The following MGAT5 variants were observed in gnomAD, a reference collection of about 807,000 sequenced individuals.
The protein encoded by MGAT5 is alpha-1,6-mannosylglycoprotein 6-beta-N-acetylglucosaminyltransferase, also known as alpha-1,6-mannosylglycoprotein 6-beta-N-acetylglucosaminyltransferase A.
Under a neutral mutation model 94.3 loss-of-function variants are expected in MGAT5, and 30 were observed. The observed-to-expected ratio is 0.32, with a 90% CI of 0.24 to 0.43. The LOEUF is 0.43. MGAT5 is among the 20% of genes least tolerant of loss of function. The probability of loss-of-function intolerance (pLI) is 1.00; values close to 1 mark genes in which losing one functional copy is unlikely to be tolerated. For missense variants in MGAT5, 691 were observed against 905.5 expected (o/e 0.76, Z 3.04); for synonymous variants, 310 against 322.9 (o/e 0.96, Z 0.43).
At chr2:134,250,375 G>GGT (rs1682523952), upstream of MGAT5, among the ~76,000 whole-genome samples, 2 of 152,166 alleles carry the variant, frequency 1.3e-5, no homozygotes, top group African/African-American at 4.8e-5. Flanking sequence ...AAGGTCTGGA[G>GGT]GTAGGCATCT....
At chr2:134,322,328 C>T (rs1005276534) in intron 4 of MGAT5, among the ~76,000 whole-genome samples, 2 of 152,118 alleles carry the variant, frequency 1.3e-5, no homozygotes, top group Admixed American at 1.3e-4. Context: ...CCTTTGACTT[C>T]TGGTAATATA....
At chr2:134,314,081 T>C (rs1364323863) in intron 2 of MGAT5, among the ~76,000 whole-genome samples, 1 of 152,186 alleles carries the variant, frequency 6.6e-6, no homozygotes, top group Non-Finnish European at 1.5e-5. Flanking sequence ...AAAGTCCTTA[T>C]GAGCTATGGT....
At chr2:134,432,043 C>A (rs947496447) in intron 14 of MGAT5, among the ~76,000 whole-genome samples, 2 of 152,224 alleles carry the variant, frequency 1.3e-5, no homozygotes, top group Admixed American at 6.5e-5. Context: ...GCAGGGAGAA[C>A]TTCTTTGTAA....
At chr2:134,163,858 G>A (rs1296003491) in intron 1 of MGAT5, among the ~76,000 whole-genome samples, 1 of 152,216 alleles carries the variant, frequency 6.6e-6, no homozygotes, top group Admixed American at 6.5e-5. Context: ...AACAGAAGTA[G>A]CATTATGACT....
At chr2:134,266,435 G>A (rs937275027) in intron 1 of MGAT5, among the ~76,000 whole-genome samples, 5 of 152,098 alleles carry the variant, frequency 3.3e-5, no homozygotes, top group African/African-American at 7.2e-5. Flanking sequence ...TGGTCAGGCC[G>A]GTCTCTAACT....
chr2:134,164,399 A>G (rs1273172740), intron 1 of MGAT5, among the ~76,000 whole-genome samples: 4 of 152,148 alleles, frequency 2.6e-5, no homozygotes, highest in Non-Finnish European at 5.9e-5. Flanking sequence ...ATGAGACCAA[A>G]TTTGGGGACC....
chr2:134,258,142 C>A (rs541209994), intron 1 of MGAT5, among the ~76,000 whole-genome samples: 1 of 134,230 alleles, frequency 7.4e-6, no homozygotes, highest in South Asian at 2.6e-4. Context: ...TGAACTATGA[C>A]CTATGCGCCA....
intron 1 of MGAT5, among the ~76,000 whole-genome samples, chr2:134,238,354 TA>T (rs1177896917): frequency 6.6e-6 from 1 of 152,194 alleles, no homozygotes; most frequent in Non-Finnish European, 1.5e-5. Flanking sequence ...TAGATTTTCT[TA>T]TAGTGGTAAT....
intron 1 of MGAT5, among the ~76,000 whole-genome samples, chr2:134,202,741 C>CGG (rs1679852696): frequency 1.3e-5 from 2 of 152,202 alleles, no homozygotes; most frequent in Admixed American, 1.3e-4. Flanking sequence ...TAATCCTATA[C>CGG]GGCCAATTGT....
At chr2:134,270,993 T>C (rs1299360347) in intron 2 of MGAT5, among the ~76,000 whole-genome samples, 1 of 152,142 alleles carries the variant, frequency 6.6e-6, no homozygotes, top group Non-Finnish European at 1.5e-5. Flanking sequence ...CTCCTATGTA[T>C]ATATGGAGAA....
In MGAT5 at chr2:134,448,800, C is replaced by T. The variant is rs1685940014; in HGVS notation, c.2179C>T (p.Arg727Trp). 1.9e-6 allele frequency: 3 copies of T among 1,614,070 alleles called. No homozygotes were observed. The highest frequency in any genetic ancestry group is 1.7e-6 in the Non-Finnish European group (2 of 1,180,020). ...HPRHQRVCPC[R>W]DFIKGQVALC... ...CAGGCACCAGAGGGTCTGCCCCTGC[C>T]GGGACTTCATCAAGGGCCAGGTGGC... is the stretch of plus-strand genomic sequence containing the variant. Residue 727 changes from arginine (R) to tryptophan (W), a missense_variant, in exon 16 of 16, where the codon CGG (arginine) becomes TGG (tryptophan). Physicochemically the swap from Arg to Trp is moderately radical, Grantham distance 101. Around this residue, in one of 4 missense-constraint regions of MGAT5, gnomAD observed 260 missense variants for 347.0 expected, o/e 0.75. Transcript: ENST00000281923.
intron 10 of MGAT5, among the ~76,000 whole-genome samples, chr2:134,400,591 C>T (rs1682985907): frequency 6.6e-6 from 1 of 151,992 alleles, no homozygotes; most frequent in South Asian, 2.1e-4. Flanking sequence ...TGTTACTTTC[C>T]CAGGCATTTA....
At chr2:134,148,759 G>GGT (rs1687038847) in intron 1 of MGAT5, among the ~76,000 whole-genome samples, 9 of 118,722 alleles carry the variant, frequency 7.6e-5, no homozygotes, top group Admixed American at 5.4e-4. Flanking sequence ...TCTTTCTTAG[G>GGT]TTTTTTTTTT....
chr2:134,431,272 T>A (rs1684861013), intron 14 of MGAT5, among the ~76,000 whole-genome samples: 1 of 152,188 alleles, frequency 6.6e-6, no homozygotes, highest in African/African-American at 2.4e-5. Context: ...TAAGGGGCAG[T>A]GGAACTGTCA....
At chr2:134,196,313 G>A (rs768842677) in intron 1 of MGAT5, among the ~76,000 whole-genome samples, 28 of 151,864 alleles carry the variant, frequency 1.8e-4, no homozygotes, top group Middle Eastern at 3.4e-3. Context: ...TCTTTGAAAC[G>A]ATTTTAGGCC....
At chr2:134,235,245 C>T (rs1681574942) in intron 1 of MGAT5, among the ~76,000 whole-genome samples, 3 of 152,104 alleles carry the variant, frequency 2.0e-5, no homozygotes, top group African/African-American at 7.2e-5. Context: ...TACCCTTCTA[C>T]CCACTTATCT....
rs545103804 is a variant in MGAT5 at position 134,254,374 on chromosome 2, G to C, written c.-30G>C. On this transcript the variant is annotated 5_prime_UTR_variant, in exon 1 of 16. Coordinates refer to ENST00000281923, the MANE Select transcript of MGAT5 (RefSeq NM_002410.5). ...TGTGTCTATCTTCTACGCGTTAAGA[G>C]CCAAGGACAGGTGAAGTTGCCAGAG... 1 of 1,613,320 alleles carries C rather than the reference G, an allele frequency of 6.2e-7. No individual in the cohort carries two copies. The highest frequency in any genetic ancestry group is 1.3e-5 in the African/African-American group (1 of 74,958).
At chr2:134,366,331 T>G (rs745387337) in intron 10 of MGAT5, among the ~76,000 whole-genome samples, 1 of 152,226 alleles carries the variant, frequency 6.6e-6, no homozygotes, top group Non-Finnish European at 1.5e-5. Flanking sequence ...CTATATTACT[T>G]TAATTTCTGT....
chr2:134,144,549 G>A (rs991380433), intron 1 of MGAT5, among the ~76,000 whole-genome samples: 1 of 152,118 alleles, frequency 6.6e-6, no homozygotes, highest in Non-Finnish European at 1.5e-5. Context: ...CAGGAACACA[G>A]ATCCAAACCA....
Sources: allele counts gnomAD v4.1 joint callset (sites outside exome capture counted in the v4.1 genomes callset), GRCh38; gene constraint gnomAD v4.1.1; regional missense constraint gnomAD v4.1.1; transcripts MANE v1.5; gene names NCBI Gene and HGNC (gene_info 2026-07-23, HGNC 2026-07-21).